Variants in PRKACB observed in about 807,000 individuals in gnomAD.
PRKACB encodes protein kinase cAMP-activated catalytic subunit beta.
In PRKACB, 16 loss-of-function variants were observed where a neutral mutation model predicts 51.4. The ratio of observed to expected loss-of-function variants is 0.31; its 90% confidence interval spans 0.21 to 0.47. PRKACB has a LOEUF of 0.47. Among genes scored for constraint, PRKACB ranks in the 20% least tolerant of loss-of-function variants. The pLI, the probability that PRKACB is intolerant of heterozygous loss-of-function variation, is 1.00. For missense variants in PRKACB, 309 were observed against 464.5 expected (o/e 0.67, Z 3.08); for synonymous variants, 147 against 154.4 (o/e 0.95, Z 0.35).
intron 1 of PRKACB, among the ~76,000 whole-genome samples, chr1:84,178,233 T>C (rs1292078046): frequency 6.6e-6 from 1 of 152,036 alleles, no homozygotes. Flanking sequence ...CTTAAAGAAT[T>C]TGTGAGCCCT....
rs1183776472 is a variant in PRKACB at position 84,236,501 on chromosome 1, T to C, written c.*1196T>C. The C allele has an allele frequency of 6.6e-6, 1 of 152,644 alleles. No individual in the cohort carries two copies. The highest frequency in any genetic ancestry group is 1.5e-5 in the Non-Finnish European group (1 of 68,032). 9.5% of individuals were successfully genotyped at this position (152,644 alleles called of 1,614,324 possible). A position where few individuals can be genotyped will look rare whatever the true frequency, so the allele number is the denominator to read the frequency against. On this transcript the variant is annotated 3_prime_UTR_variant, in exon 10 of 10. Transcript: ENST00000370685. ...TCATCAATGAGGAAAGGGAACAAAG[T>C]GTATAAAACTGCCACAATTGTATTT...
chr1:84,180,916 T>C, intron 2 of PRKACB, among the ~76,000 whole-genome samples: 1 of 152,192 alleles, frequency 6.6e-6, no homozygotes. Context: ...GTTTTCATTA[T>C]TTGGTTGGTA....
At chr1:84,097,251 G>T (rs982698093) in intron 1 of PRKACB, among the ~76,000 whole-genome samples, 6 of 151,808 alleles carry the variant, frequency 4.0e-5, no homozygotes, top group African/African-American at 1.5e-4. Flanking sequence ...TTTCTGTTAG[G>T]TATATACCTA....
intron 9 of PRKACB, among the ~76,000 whole-genome samples, chr1:84,231,810 C>T (rs1675714630): frequency 6.6e-6 from 1 of 152,106 alleles, no homozygotes; most frequent in Admixed American, 6.5e-5. Flanking sequence ...ATTCTTCTCT[C>T]TTTTTTCTTT....
chr1:84,214,468 C>A, intron 9 of PRKACB, 151 bp downstream of exon 9: 5 of 690,152 alleles, frequency 7.2e-6, no homozygotes, highest in Non-Finnish European at 1.0e-5. Flanking sequence ...CAGCCCATAA[C>A]TTAAAAATGA....
chr1:84,086,261 G>T, intron 1 of PRKACB: 8 of 1,457,440 alleles, frequency 5.5e-6, no homozygotes, highest in Non-Finnish European at 7.7e-6. Context: ...TGGTTCCCTT[G>T]CCCCCATGGG....
At chr1:84,082,524 T>C (rs1571504621) in intron 1 of PRKACB, among the ~76,000 whole-genome samples, 1 of 152,330 alleles carries the variant, frequency 6.6e-6, no homozygotes, top group East Asian at 1.9e-4. Context: ...CATTTGTAAA[T>C]GTATACTTTT....
chr1:84,108,362 A>C (rs1161286215), intron 1 of PRKACB, among the ~76,000 whole-genome samples: 8 of 151,890 alleles, frequency 5.3e-5, no homozygotes, highest in African/African-American at 1.9e-4. Flanking sequence ...TCAGAAGAAA[A>C]AGAAGAAAAG....
intron 1 of PRKACB, among the ~76,000 whole-genome samples, chr1:84,095,247 G>GTTTTTTT (rs5775776): frequency 7.3e-6 from 1 of 137,154 alleles, no homozygotes; most frequent in African/African-American, 2.7e-5. Context: ...CATATTTGCT[G>GTTTTTTT]TTTTTTTTTT....
intron 9 of PRKACB, among the ~76,000 whole-genome samples, chr1:84,227,944 G>A (rs1240392639): frequency 1.3e-5 from 2 of 152,146 alleles, no homozygotes; most frequent in South Asian, 4.1e-4. Flanking sequence ...GAAAGAAGTA[G>A]CCTGAACAAC....
intron 5 of PRKACB, among the ~76,000 whole-genome samples, chr1:84,191,011 C>G (rs913277883): frequency 3.9e-5 from 6 of 152,092 alleles, no homozygotes; most frequent in South Asian, 2.1e-4. Flanking sequence ...TCATTTAGAC[C>G]ATTTACATTC....
At chr1:84,174,385 C>T (rs1660549608) in intron 1 of PRKACB, among the ~76,000 whole-genome samples, 1 of 151,802 alleles carries the variant, frequency 6.6e-6, no homozygotes, top group Non-Finnish European at 1.5e-5. Context: ...AAGAATTTCC[C>T]CCTCCCAGCT....
At chr1:84,118,924 A>T (rs543783089) in intron 1 of PRKACB, among the ~76,000 whole-genome samples, 2 of 152,318 alleles carry the variant, frequency 1.3e-5, no homozygotes, top group South Asian at 4.1e-4. Context: ...TTTGGAATAT[A>T]TATTTAATGA....
At chr1:84,142,020 C>T (rs1653468004), upstream of PRKACB, among the ~76,000 whole-genome samples, 1 of 152,050 alleles carries the variant, frequency 6.6e-6, no homozygotes, top group African/African-American at 2.4e-5. Context: ...CAACTTGGTG[C>T]TTCTTGGATT....
intron 1 of PRKACB, among the ~76,000 whole-genome samples, chr1:84,123,365 A>G (rs190299118): frequency 2.1e-4 from 32 of 152,338 alleles, no homozygotes; most frequent in Non-Finnish European, 3.7e-4. Context: ...TATAGAAATG[A>G]AAGTTACTGA....
At chr1:84,085,191 G>A (rs1647867282) in intron 1 of PRKACB, among the ~76,000 whole-genome samples, 2 of 152,134 alleles carry the variant, frequency 1.3e-5, no homozygotes, top group Admixed American at 1.3e-4. Context: ...CGGTTTTGTA[G>A]TTATACAGGA....
chr1:84,130,519 T>C (rs1349121043), intron 1 of PRKACB, among the ~76,000 whole-genome samples: 1 of 152,124 alleles, frequency 6.6e-6, no homozygotes, highest in African/African-American at 2.4e-5. Flanking sequence ...GCCTTAAGAA[T>C]CTGTAAAACA....
intron 1 of PRKACB, chr1:84,164,773 T>C (rs933034775): frequency 7.2e-7 from 1 of 1,380,366 alleles, no homozygotes; most frequent in Non-Finnish European, 9.4e-7. Flanking sequence ...GTTATAGACA[T>C]CTTTGGCATT....
chr1:84,179,776 A>G (rs1469399276), intron 2 of PRKACB, among the ~76,000 whole-genome samples: 1 of 152,000 alleles, frequency 6.6e-6, no homozygotes, highest in East Asian at 1.9e-4. Context: ...GGAGTTATAA[A>G]TAATGAATGA....
Sources: gnomAD v4.1 joint callset for allele counts (sites outside exome capture counted in the v4.1 genomes callset) on GRCh38, gnomAD v4.1.1 for gene constraint, MANE v1.5 for transcripts, NCBI Gene and HGNC (gene_info 2026-07-23, HGNC 2026-07-21) for gene names.